Variants in ATP13A3 observed in about 807,000 individuals in gnomAD.
ATP13A3 encodes ATPase 13A3.
ATP13A3 carries 59 observed loss-of-function variants against 158.1 expected under a neutral mutation model. That is an observed-to-expected ratio of 0.37 (90% CI 0.30 to 0.46). The LOEUF (loss-of-function observed/expected upper bound fraction) is 0.46. ATP13A3 is among the 20% of genes least tolerant of loss of function. The pLI, the probability that ATP13A3 is intolerant of heterozygous loss-of-function variation, is 1.00. For synonymous variants in ATP13A3, 491 were observed against 504.3 expected (o/e 0.97, Z 0.35); for missense variants, 1,166 against 1,525.2 (o/e 0.76, Z 3.92).
chr3:194,488,010 C>G (rs1261793785), upstream of ATP13A3: 1 of 152,414 alleles, frequency 6.6e-6, no homozygotes, highest in African/African-American at 2.4e-5. The surrounding 1 kb of genome is among the most constrained non-coding windows in gnomAD (Gnocchi z 4.1). Flanking sequence ...GGCAGCACAC[C>G]GCCCGAGTCC....
At position 194,419,965 on chromosome 3, in the gene ATP13A3, A is replaced by T; in HGVS notation, c.3316T>A (p.Phe1106Ile). The T allele has an allele frequency of 6.5e-7, 1 of 1,529,864 alleles. No individual in the cohort carries two copies. The allele number at this position is 1,529,864 out of a possible 1,614,324, so 94.8% of individuals were successfully genotyped here. The change falls in exon 31 of 34, where the codon TTT (phenylalanine) becomes ATT (isoleucine). Residue 1106 changes from phenylalanine to isoleucine, a missense_variant and splice_region_variant. This residue lies in a region of ATP13A3 where 997 missense variants were observed against 1,341.2 expected (regional missense o/e 0.74). Coordinates refer to ENST00000645319, the MANE Select transcript of ATP13A3 (RefSeq NM_001367549.1). Reference sequence around the variant, plus strand: ...AAAAAAATCACAGAAAAAACAAAAAAATCTGGAAAAGACAGCAAAAGTAAA... The same window carrying T: ...AAAAAAATCACAGAAAAAACAAAAATATCTGGAAAAGACAGCAAAAGTAAA... ...PFRQPCYKNY[F>I]FVFSVIFLYI...
At position 194,402,903 on chromosome 3, in the gene ATP13A3, G is replaced by T. The variant is rs1217341414; in HGVS notation, c.*3016C>A. 1 of 152,034 alleles carries T rather than the reference G, an allele frequency of 6.6e-6. No homozygotes were observed. Among genetic ancestry groups the T allele is most frequent in the Non-Finnish European group, 1.5e-5 (1 of 67,994 alleles). 9.4% of individuals were successfully genotyped at this position (152,034 alleles called of 1,614,324 possible). A position where few individuals can be genotyped will look rare whatever the true frequency, so the allele number is the denominator to read the frequency against. ...GGGAATTCACAAATCATAACTAGAAGTAACTTTTATTAATTTAATGTACAC... is the reference window on the plus strand; with the variant it reads ...GGGAATTCACAAATCATAACTAGAATTAACTTTTATTAATTTAATGTACAC... On this transcript the variant is annotated 3_prime_UTR_variant, in exon 34 of 34. Transcript: ENST00000645319.
chr3:194,431,528 C>G (rs1489704473), intron 22 of ATP13A3, among the ~76,000 whole-genome samples, 189 bp downstream of exon 22: 2 of 152,158 alleles, frequency 1.3e-5, no homozygotes, highest in African/African-American at 4.8e-5. Flanking sequence ...AGCTAAATAT[C>G]AAAATTTGAA....
rs546152462 is a variant in ATP13A3 at position 194,404,353 on chromosome 3, C to T, written c.*1566G>A. The T allele has an allele frequency of 3.1e-4, 74 of 240,912 alleles. 2 individuals carry two copies. In the South Asian group the frequency reaches 3.2e-3, roughly 10 times the overall value. 14.9% of individuals were successfully genotyped at this position (240,912 alleles called of 1,614,324 possible). The stretch of plus-strand genomic sequence containing the variant: ...TTTCTATTTTTCTATAGTTACCAAA[C>T]ATCATCCAGGTCTTTGCAGCATAAA... On this transcript the variant is annotated 3_prime_UTR_variant, in exon 34 of 34. Coordinates refer to ENST00000645319, the MANE Select transcript of ATP13A3 (RefSeq NM_001367549.1).
At chr3:194,433,624 T>C in intron 21 of ATP13A3, 148 bp downstream of exon 21, 1 of 975,212 alleles carries the variant, frequency 1.0e-6, no homozygotes, top group Non-Finnish European at 1.5e-6. Context: ...ATCTTGCGCT[T>C]GGGAAAATAT....
At chr3:194,483,810 G>C (rs888464460) in intron 2 of ATP13A3, among the ~76,000 whole-genome samples, 2 of 152,084 alleles carry the variant, frequency 1.3e-5, no homozygotes, top group Admixed American at 6.5e-5. Context: ...ACTGCCTATC[G>C]AGCAGCCCTG....
At chr3:194,445,033 G>A (rs1031060340) in intron 14 of ATP13A3, among the ~76,000 whole-genome samples, 2 of 151,738 alleles carry the variant, frequency 1.3e-5, no homozygotes, top group Non-Finnish European at 2.9e-5. Flanking sequence ...GGCAGAGAGG[G>A]GTATATATTT....
At chr3:194,465,616 G>A (rs750702272) in intron 2 of ATP13A3, among the ~76,000 whole-genome samples, 1 of 152,168 alleles carries the variant, frequency 6.6e-6, no homozygotes, top group Non-Finnish European at 1.5e-5. Flanking sequence ...AACAAAAACT[G>A]CTCTGGTACT....
chr3:194,436,777 G>C (rs1717669015), intron 20 of ATP13A3, among the ~76,000 whole-genome samples: 1 of 152,176 alleles, frequency 6.6e-6, no homozygotes, highest in Non-Finnish European at 1.5e-5. Flanking sequence ...GAACCGGGGA[G>C]GTGGAGGTTG....
chr3:194,478,385 A>G (rs1392686868), intron 2 of ATP13A3, among the ~76,000 whole-genome samples: 2 of 152,018 alleles, frequency 1.3e-5, no homozygotes, highest in South Asian at 2.1e-4. Context: ...TTCAAAAAAG[A>G]ACTATCTCTT....
intron 16 of ATP13A3, among the ~76,000 whole-genome samples, chr3:194,440,337 G>A (rs980829464): frequency 2.2e-4 from 33 of 152,334 alleles, no homozygotes; most frequent in Middle Eastern, 3.4e-3. Flanking sequence ...ATGTCTGACA[G>A]AGCAAAGGCT....
chr3:194,450,884 C>A (rs1438044010), intron 10 of ATP13A3: 2 of 151,964 alleles, frequency 1.3e-5, no homozygotes, highest in African/African-American at 4.8e-5. Context: ...TTTAGTGAAA[C>A]ACTTTTAAAA....
intron 2 of ATP13A3, among the ~76,000 whole-genome samples, chr3:194,478,515 T>C (rs1240572449): frequency 6.6e-6 from 1 of 151,994 alleles, no homozygotes; most frequent in Non-Finnish European, 1.5e-5. Flanking sequence ...AGAGGTACTA[T>C]AGTGAGAGAT....
intron 2 of ATP13A3, among the ~76,000 whole-genome samples, chr3:194,481,935 T>C (rs143054365): frequency 6.6e-6 from 1 of 152,340 alleles, no homozygotes; most frequent in African/African-American, 2.4e-5. Context: ...ACGTTTACTA[T>C]TCGAGTTAAT....
intron 15 of ATP13A3, among the ~76,000 whole-genome samples, chr3:194,444,103 C>T (rs1718231571): frequency 6.6e-6 from 1 of 152,266 alleles, no homozygotes; most frequent in Middle Eastern, 3.4e-3. Flanking sequence ...GATCTTTACC[C>T]ACTGAGAGAG....
chr3:194,487,201 G>T (rs573788348), upstream of ATP13A3, among the ~76,000 whole-genome samples: 24 of 152,298 alleles, frequency 1.6e-4, no homozygotes, highest in South Asian at 3.1e-3. Flanking sequence ...GTCCAAAAAC[G>T]CTGGGTGTCA....
chr3:194,409,816 G>A (rs554625058), intron 33 of ATP13A3, among the ~76,000 whole-genome samples: 36 of 145,220 alleles, frequency 2.5e-4, no homozygotes, highest in African/African-American at 8.7e-4. Context: ...AATCACCTCC[G>A]ATTGAGAACC....
Position 194,425,533 on chromosome 3 carries a change from G to A in ATP13A3, c.3126-4C>T, listed in dbSNP as rs1214145468. ...GCTTCCTGTTGTATTACAAGCACTAGAACACATGCAAAAAATGTCTGCATT... is the reference window on the plus strand; with the variant it reads ...GCTTCCTGTTGTATTACAAGCACTAAAACACATGCAAAAAATGTCTGCATT... On this transcript the variant is annotated splice_polypyrimidine_tract_variant and splice_region_variant and intron_variant, in intron 29 of 33. Coordinates refer to ENST00000645319, the MANE Select transcript of ATP13A3 (RefSeq NM_001367549.1). 4 of 1,593,432 alleles carry A rather than the reference G, an allele frequency of 2.5e-6. No individual in the cohort carries two copies. Among genetic ancestry groups the A allele is most frequent in the Admixed American group, 3.7e-5 (2 of 54,664 alleles).
intron 31 of ATP13A3, among the ~76,000 whole-genome samples, chr3:194,419,310 G>C (rs1373387328): frequency 2.0e-5 from 3 of 152,130 alleles, no homozygotes; most frequent in African/African-American, 4.8e-5. Context: ...ACAGGTACAT[G>C]AGAGTGCCTT....
Sources: gnomAD v4.1 joint callset for allele counts (sites outside exome capture counted in the v4.1 genomes callset) on GRCh38, gnomAD v4.1.1 for gene constraint, gnomAD v4.1.1 regional missense constraint, Gnocchi (gnomAD v3.1) non-coding constraint, MANE v1.5 for transcripts, NCBI Gene and HGNC (gene_info 2026-07-23, HGNC 2026-07-21) for gene names.